The following SYNE2 variants were observed in gnomAD, a reference collection of about 807,000 sequenced individuals.
The protein encoded by SYNE2 is spectrin repeat containing nuclear envelope protein 2.
A neutral mutation model predicts 856.3 loss-of-function variants in SYNE2; 431 were observed. The observed-to-expected ratio is 0.50, with a 90% confidence interval of 0.47 to 0.55. The LOEUF is 0.55. Among genes scored for constraint, SYNE2 ranks in the 20% least tolerant of loss-of-function variants. The pLI, the probability that SYNE2 is intolerant of heterozygous loss-of-function variation, is 0.00. For missense variants in SYNE2, 8,129 were observed against 8,023.2 expected (o/e 1.01, Z -0.50); for synonymous variants, 2,923 against 2,872.3 (o/e 1.02, Z -0.56).
intron 109 of SYNE2, 148 bp downstream of exon 109, chr14:64,218,660 C>A: frequency 1.3e-6 from 1 of 752,562 alleles, no homozygotes; most frequent in Non-Finnish European, 2.2e-6. Flanking sequence ...ATTTTTAAAT[C>A]AGCGATTGGC....
intron 1 of SYNE2, among the ~76,000 whole-genome samples, chr14:63,889,085 A>G (rs551228565): frequency 6.7e-6 from 1 of 150,264 alleles, no homozygotes; most frequent in Non-Finnish European, 1.5e-5. Flanking sequence ...GTAAAGACCT[A>G]TGATACAGAC....
intron 1 of SYNE2, among the ~76,000 whole-genome samples, chr14:63,899,481 C>T (rs2095306457): frequency 6.6e-6 from 1 of 152,128 alleles, no homozygotes; most frequent in African/African-American, 2.4e-5. Flanking sequence ...GGATTACAGG[C>T]ATGAGTCACT....
intron 1 of SYNE2, among the ~76,000 whole-genome samples, chr14:63,781,432 T>A (rs1366996591): frequency 1.3e-5 from 2 of 152,026 alleles, no homozygotes; most frequent in Non-Finnish European, 2.9e-5. Flanking sequence ...ATTTGCATTC[T>A]AGGTTTGCGC....
chr14:64,057,704 C>T (rs2097283991), intron 49 of SYNE2, among the ~76,000 whole-genome samples: 1 of 152,182 alleles, frequency 6.6e-6, no homozygotes, highest in South Asian at 2.1e-4. Flanking sequence ...AAACAGTTCT[C>T]CATAGTGGTT....
intron 99 of SYNE2, among the ~76,000 whole-genome samples, chr14:64,199,544 C>T (rs957746358): frequency 2.6e-5 from 4 of 151,752 alleles, no homozygotes; most frequent in Non-Finnish European, 4.4e-5. Flanking sequence ...ATGGGGAAAC[C>T]CTGTCTCTAG....
At chr14:63,880,804 T>C (rs982232778) in intron 1 of SYNE2, among the ~76,000 whole-genome samples, 1 of 151,826 alleles carries the variant, frequency 6.6e-6, no homozygotes, top group Non-Finnish European at 1.5e-5. Flanking sequence ...TCCCAAGTAG[T>C]TGGGACTACA....
intron 1 of SYNE2, among the ~76,000 whole-genome samples, chr14:63,772,467 G>A (rs554671958): frequency 2.6e-5 from 4 of 152,230 alleles, no homozygotes; most frequent in South Asian, 4.1e-4. Flanking sequence ...CTATAGGTCA[G>A]GCGCGGTGAC....
intron 97 of SYNE2, among the ~76,000 whole-genome samples, chr14:64,188,237 C>T (rs1235511374): frequency 6.6e-6 from 1 of 152,206 alleles, no homozygotes; most frequent in Non-Finnish European, 1.5e-5. Context: ...TGGGTTATAT[C>T]TTCATCTAGC....
intron 1 of SYNE2, among the ~76,000 whole-genome samples, chr14:63,903,749 A>G (rs1042140815): frequency 6.6e-6 from 1 of 151,474 alleles, no homozygotes; most frequent in Admixed American, 6.6e-5. Context: ...AAATACAACA[A>G]ATGATTCTTT....
intron 101 of SYNE2, chr14:64,209,222 T>G: frequency 2.1e-6 from 2 of 935,526 alleles, no homozygotes; most frequent in Non-Finnish European, 3.2e-6. Flanking sequence ...GTCTCCTGGT[T>G]TTTTAACCTC....
rs1301290218 is a variant in SYNE2 at position 64,087,830 on chromosome 14, C to T, written c.11644C>T (p.Leu3882Phe). 1 of 1,614,012 alleles carries T rather than the reference C, an allele frequency of 6.2e-7. No individual in the cohort carries two copies. The highest frequency in any genetic ancestry group is 1.7e-5 in the Admixed American group (1 of 60,020). The change falls in exon 58 of 116, where the codon CTT becomes TTT. Residue 3882 changes from leucine to phenylalanine, a missense_variant. Leu to Phe is a conservative substitution (Grantham distance 22). This residue lies in a region of SYNE2 where 5,410 missense variants were observed against 5,284.8 expected (regional missense o/e 1.02). Transcript: ENST00000555002. The stretch of plus-strand genomic sequence containing the variant: ...TTTACAACAAAAAATAATGGAAAGC[C>T]TTCCACAGATTCAGCGAATGGCTGA... ...TALQQKIMES[L>F]PQIQRMADDV... is the part of the protein sequence containing the mutation.
intron 103 of SYNE2, among the ~76,000 whole-genome samples, chr14:64,211,048 C>A (rs1259230129): frequency 6.6e-6 from 1 of 151,968 alleles, no homozygotes; most frequent in Non-Finnish European, 1.5e-5. Context: ...GTGGTGAGAT[C>A]ATAGCTCACT....
chr14:63,902,348 T>C (rs2095348322), intron 1 of SYNE2, among the ~76,000 whole-genome samples: 1 of 141,356 alleles, frequency 7.1e-6, no homozygotes. Context: ...GAAGCAGAGG[T>C]TGCAGTGAGC....
chr14:63,924,096 G>A (rs2095631915), intron 2 of SYNE2, among the ~76,000 whole-genome samples: 1 of 152,070 alleles, frequency 6.6e-6, no homozygotes, highest in African/African-American at 2.4e-5. Context: ...ATCAGCCACT[G>A]TGCCTGGTCA....
intron 7 of SYNE2, among the ~76,000 whole-genome samples, chr14:63,951,719 A>G (rs2096163930): frequency 6.6e-6 from 1 of 152,236 alleles, no homozygotes; most frequent in Non-Finnish European, 1.5e-5. Context: ...TGAATCTCCT[A>G]GAGATAATTT....
At chr14:64,112,979 T>C in intron 65 of SYNE2, 1 of 984,192 alleles carries the variant, frequency 1.0e-6, no homozygotes, top group Non-Finnish European at 1.2e-6. Context: ...TGCTTAATCA[T>C]GTGTCACGTA....
chr14:63,922,103 A>G lies in SYNE2; in HGVS notation c.79+12876A>G, dbSNP rs77443899. Among the ~76,000 whole-genome samples the G allele has an allele frequency of 1.0e-3, 153 of 152,242 alleles. 2 individuals carry two copies. In the East Asian group the frequency reaches 0.015, roughly 14 times the overall value. On this transcript the variant is annotated intron_variant, in intron 2 of 115. Coordinates refer to ENST00000555002, the MANE Select transcript of SYNE2 (RefSeq NM_182914.3). ...ACTGTGGCCTTGACCTCCCAGGTTC[A>G]GGTGCTTCTCCTACCTCAGTCTCTT...
chr14:63,965,851 G>A (rs2096383625), intron 10 of SYNE2, among the ~76,000 whole-genome samples: 1 of 152,112 alleles, frequency 6.6e-6, no homozygotes, highest in Non-Finnish European at 1.5e-5. Context: ...CCTTAGCTCT[G>A]ATCTAAGATT....
Position 64,188,696 on chromosome 14 carries a change from A to C in SYNE2, c.17859A>C (p.Glu5953Asp). 6.2e-7 allele frequency: 1 copy of C among 1,614,170 alleles called. No homozygotes were observed. Among genetic ancestry groups the C allele is most frequent in the Non-Finnish European group, 8.5e-7 (1 of 1,180,030 alleles). The change falls in exon 98 of 116, where the codon GAA (glutamate) becomes GAC (aspartate). Residue 5953 changes from glutamate to aspartate, a missense_variant. Transcript: ENST00000555002. The part of the protein sequence containing the change: ...TADISIEEMI[E>D]KLQKDCMEEI... ...ACATTAGTATTGAAGAAATGATTGA[A>C]AAGTTACAGAAGGTAAGGGAGGACA...
Sources: gnomAD v4.1 joint callset for allele counts (sites outside exome capture counted in the v4.1 genomes callset) on GRCh38, gnomAD v4.1.1 for gene constraint, gnomAD v4.1.1 regional missense constraint, MANE v1.5 for transcripts, NCBI Gene and HGNC (gene_info 2026-07-23, HGNC 2026-07-21) for gene names.